Variants in FOXN3 observed in about 807,000 individuals in gnomAD.
FOXN3 encodes forkhead box N3, also known as forkhead box protein N3.
Under a neutral mutation model 38.4 loss-of-function variants are expected in FOXN3, and 7 were observed. The observed-to-expected ratio is 0.18, with a 90% CI of 0.10 to 0.34. The LOEUF is 0.34. FOXN3 is among the 10% of genes least tolerant of loss of function. The pLI, the probability that FOXN3 is intolerant of heterozygous loss-of-function variation, is 1.00. For missense variants in FOXN3, 456 were observed against 613.4 expected (o/e 0.74, Z 2.71); for synonymous variants, 230 against 242.2 (o/e 0.95, Z 0.47).
At chr14:89,299,206 G>C (rs529360282) in intron 3 of FOXN3, among the ~76,000 whole-genome samples, 1 of 152,346 alleles carries the variant, frequency 6.6e-6, no homozygotes, top group Admixed American at 6.5e-5. Flanking sequence ...CAAGTGTCAA[G>C]GGTGGGGCCA....
intron 2 of FOXN3, among the ~76,000 whole-genome samples, chr14:89,362,152 TCCA>T (rs1377739844): frequency 6.8e-5 from 1 of 14,778 alleles, no homozygotes. Flanking sequence ...CAGCACCACC[TCCA>T]CCACCACCAC....
chr14:89,251,398 A>T (rs1885450625), intron 4 of FOXN3, among the ~76,000 whole-genome samples: 1 of 152,238 alleles, frequency 6.6e-6, no homozygotes, highest in South Asian at 2.1e-4. Context: ...AGCTTTCTGT[A>T]GCCTATGCAA....
intron 1 of FOXN3, among the ~76,000 whole-genome samples, chr14:89,506,190 C>T (rs573925952): frequency 1.6e-4 from 3 of 19,190 alleles, no homozygotes; most frequent in African/African-American, 2.7e-4. Context: ...CCCGTCCGGG[C>T]GGTGAGGGGC....
At chr14:89,511,448 A>G (rs914572032) in intron 1 of FOXN3, among the ~76,000 whole-genome samples, 3 of 151,494 alleles carry the variant, frequency 2.0e-5, no homozygotes, top group South Asian at 2.1e-4. Context: ...GTGCACTACT[A>G]CACTCAGCTA....
At chr14:89,211,181 C>T (rs770584717) in intron 4 of FOXN3, among the ~76,000 whole-genome samples, 2 of 152,226 alleles carry the variant, frequency 1.3e-5, no homozygotes, top group African/African-American at 2.4e-5. Flanking sequence ...GCAGTTTTTA[C>T]TTCTGGAGGG....
intron 1 of FOXN3, among the ~76,000 whole-genome samples, chr14:89,437,202 A>C (rs1310655507): frequency 6.6e-6 from 1 of 151,988 alleles, no homozygotes; most frequent in East Asian, 1.9e-4. Flanking sequence ...AAAAAAAAAC[A>C]GTATGGCTTA....
chr14:89,194,685 T>G (rs61985218), intron 4 of FOXN3, among the ~76,000 whole-genome samples: 16,143 of 149,794 alleles, frequency 0.11, 966 homozygotes, highest in Non-Finnish European at 0.15. Flanking sequence ...TCCCTTTTTA[T>G]TAAAAGTCAT....
At chr14:89,309,129 A>C (rs1343078727) in intron 3 of FOXN3, among the ~76,000 whole-genome samples, 1 of 152,152 alleles carries the variant, frequency 6.6e-6, no homozygotes, top group Non-Finnish European at 1.5e-5. Context: ...ACTACGATAC[A>C]CCAGGTTTGA....
At chr14:89,387,102 C>CA (rs760331607) in intron 2 of FOXN3, among the ~76,000 whole-genome samples, 30 of 152,200 alleles carry the variant, frequency 2.0e-4, no homozygotes, top group Non-Finnish European at 3.5e-4. Flanking sequence ...ACTAAAAATA[C>CA]AAAAAATTAG....
At chr14:89,193,455 G>GA (rs1320609393) in intron 4 of FOXN3, among the ~76,000 whole-genome samples, 2 of 152,182 alleles carry the variant, frequency 1.3e-5, no homozygotes, top group Non-Finnish European at 2.9e-5. Flanking sequence ...ACATGTGGGA[G>GA]AACCTAAGTG....
intron 4 of FOXN3, among the ~76,000 whole-genome samples, chr14:89,209,340 G>C (rs974390160): frequency 6.6e-6 from 1 of 152,098 alleles, no homozygotes; most frequent in African/African-American, 2.4e-5. Context: ...CCTGACGAAT[G>C]GCCAATATTT....
chr14:89,499,717 G>A (rs539635242), intron 1 of FOXN3, among the ~76,000 whole-genome samples: 3 of 152,056 alleles, frequency 2.0e-5, no homozygotes, highest in South Asian at 4.2e-4. Context: ...TCATTTTTTT[G>A]CTTGCAAAAA....
chr14:89,365,736 C>T (rs892991629), intron 2 of FOXN3, among the ~76,000 whole-genome samples: 4 of 152,138 alleles, frequency 2.6e-5, no homozygotes, highest in Non-Finnish European at 4.4e-5. Flanking sequence ...AGCTAAAAAG[C>T]GGATCGTTTT....
At chr14:89,457,741 G>T (rs939187320) in intron 1 of FOXN3, among the ~76,000 whole-genome samples, 1 of 152,234 alleles carries the variant, frequency 6.6e-6, no homozygotes, top group Admixed American at 6.5e-5. Flanking sequence ...AGCCGGGCGC[G>T]GTGGCTCATG....
At chr14:89,360,587 A>C (rs1024855139) in intron 2 of FOXN3, among the ~76,000 whole-genome samples, 6 of 146,368 alleles carry the variant, frequency 4.1e-5, no homozygotes, top group Admixed American at 2.7e-4. Flanking sequence ...AGAAGAAGAA[A>C]GGGAGAGAGG....
intron 1 of FOXN3, among the ~76,000 whole-genome samples, chr14:89,447,578 C>T (rs897859789): frequency 5.9e-5 from 9 of 152,146 alleles, no homozygotes; most frequent in East Asian, 1.9e-4. Flanking sequence ...AATATTGCCA[C>T]GAGGAGAAGT....
chr14:89,170,009 G>A (rs959474232), intron 5 of FOXN3, among the ~76,000 whole-genome samples: 1 of 152,048 alleles, frequency 6.6e-6, no homozygotes, highest in African/African-American at 2.4e-5. Flanking sequence ...CTAAATAACA[G>A]GATAAAGAAA....
intron 4 of FOXN3, among the ~76,000 whole-genome samples, chr14:89,243,393 G>A (rs1204800346): frequency 6.6e-6 from 1 of 152,112 alleles, no homozygotes; most frequent in Non-Finnish European, 1.5e-5. Context: ...TCTTCATTCA[G>A]GATGCGCCTG....
intron 1 of FOXN3, among the ~76,000 whole-genome samples, chr14:89,495,393 G>A (rs1305809124): frequency 6.6e-6 from 1 of 152,038 alleles, no homozygotes; most frequent in African/African-American, 2.4e-5. Flanking sequence ...ATCATGCTTG[G>A]CTATTTACTA....
Sources: allele counts gnomAD v4.1 joint callset (sites outside exome capture counted in the v4.1 genomes callset), GRCh38; gene constraint gnomAD v4.1.1; transcripts MANE v1.5; gene names NCBI Gene and HGNC (gene_info 2026-07-23, HGNC 2026-07-21).